The following BLTP3B variants were observed in gnomAD, a reference collection of about 807,000 sequenced individuals.
The protein encoded by BLTP3B is UHRF1 (ICBP90) binding protein 1-like.
At chr12:100,049,135 G>A in the BLTP3B span, among the ~76,000 whole-genome samples, 2 of 152,024 alleles carry the variant, frequency 1.3e-5, no homozygotes, top group Non-Finnish European at 2.9e-5. Context: ...TAGTTGGTAA[G>A]ATTAATAACC....
the BLTP3B span, chr12:100,057,713 C>T: frequency 1.2e-6 from 2 of 1,611,204 alleles, no homozygotes; most frequent in Non-Finnish European, 1.7e-6. Flanking sequence ...AGAGAGGAGC[C>T]AGGTTGGGTG....
chr12:100,102,868 C>T, the BLTP3B span: 15 of 1,502,146 alleles, frequency 1.0e-5, no homozygotes, highest in South Asian at 3.7e-5. Flanking sequence ...CTAATAAAAA[C>T]GTTAAAATAT....
At chr12:100,120,491 AG>A in the BLTP3B span, among the ~76,000 whole-genome samples, 1 of 152,232 alleles carries the variant, frequency 6.6e-6, no homozygotes, top group Non-Finnish European at 1.5e-5. Context: ...ATTAGTCATT[AG>A]AAAACTGCAA....
the BLTP3B span, among the ~76,000 whole-genome samples, chr12:100,130,439 T>C: frequency 1.3e-5 from 2 of 152,226 alleles, no homozygotes; most frequent in East Asian, 3.8e-4. Flanking sequence ...ATCTTAATTT[T>C]ATTTGTATAT....
the BLTP3B span, among the ~76,000 whole-genome samples, chr12:100,134,581 C>T: frequency 5.0e-4 from 76 of 151,622 alleles, no homozygotes; most frequent in African/African-American, 1.8e-3. Context: ...TGTGCCACTG[C>T]ACTCCAGCCT....
At chr12:100,128,395 AAAAG>A in the BLTP3B span, among the ~76,000 whole-genome samples, 6 of 152,168 alleles carry the variant, frequency 3.9e-5, no homozygotes, top group African/African-American at 1.4e-4. Flanking sequence ...AGTCTCAAAA[AAAAG>A]AAAGAGAAGA....
chr12:100,137,740 T>G, the BLTP3B span, among the ~76,000 whole-genome samples: 3 of 152,170 alleles, frequency 2.0e-5, no homozygotes, highest in Non-Finnish European at 4.4e-5. Flanking sequence ...CCTCTTACCT[T>G]TATTAGTAGT....
chr12:100,072,766 G>A, the BLTP3B span: 1 of 1,605,086 alleles, frequency 6.2e-7, no homozygotes, highest in South Asian at 1.1e-5. Flanking sequence ...TTTTATTGCA[G>A]CAAATCATGC....
At chr12:100,118,510 T>G in the BLTP3B span, among the ~76,000 whole-genome samples, 1 of 152,162 alleles carries the variant, frequency 6.6e-6, no homozygotes, top group Admixed American at 6.6e-5. Context: ...TGTAATATAT[T>G]TGGAATGGGA....
At chr12:100,132,240 C>CA in the BLTP3B span, among the ~76,000 whole-genome samples, 2 of 151,924 alleles carry the variant, frequency 1.3e-5, no homozygotes, top group Non-Finnish European at 2.9e-5. Flanking sequence ...GAAAATTATT[C>CA]AAAAAAAGAA....
chr12:100,062,842 T>A, the BLTP3B span, among the ~76,000 whole-genome samples: 354 of 152,034 alleles, frequency 2.3e-3, 1 homozygote, highest in African/African-American at 7.8e-3. Context: ...ATGCCTATAA[T>A]CCTAGCTACT....
chr12:100,136,246 A>G, the BLTP3B span, among the ~76,000 whole-genome samples: 1 of 151,858 alleles, frequency 6.6e-6, no homozygotes, highest in Admixed American at 6.6e-5. Flanking sequence ...CTACTCAAGT[A>G]AATTTATAAT....
chr12:100,047,461 T>G, the BLTP3B span: 6 of 1,167,900 alleles, frequency 5.1e-6, no homozygotes, highest in East Asian at 2.4e-5. Context: ...ATCGTGCCAT[T>G]GCACTCAAGC....
chr12:100,128,742 C>T, the BLTP3B span: 2 of 1,277,164 alleles, frequency 1.6e-6, no homozygotes, highest in Non-Finnish European at 2.0e-6. Flanking sequence ...GGAATGGGTA[C>T]ACAGGGGACA....
chr12:100,089,934 G>A, the BLTP3B span, among the ~76,000 whole-genome samples: 5 of 152,222 alleles, frequency 3.3e-5, no homozygotes, highest in African/African-American at 7.2e-5. Context: ...TAAGTCTCAC[G>A]AGATCTGATG....
the BLTP3B span, among the ~76,000 whole-genome samples, chr12:100,099,765 GATTA>G: frequency 2.0e-5 from 3 of 149,756 alleles, no homozygotes; most frequent in East Asian, 2.0e-4. Context: ...TTAACTAATT[GATTA>G]ATTAATTAAT....
At chr12:100,096,633 A>G in the BLTP3B span, among the ~76,000 whole-genome samples, 1 of 152,008 alleles carries the variant, frequency 6.6e-6, no homozygotes. Context: ...AGCCTGGACA[A>G]CAAAGCGAGA....
chr12:100,071,255 G>A, the BLTP3B span, among the ~76,000 whole-genome samples: 5 of 152,174 alleles, frequency 3.3e-5, no homozygotes, highest in East Asian at 3.9e-4. Flanking sequence ...CCAGCACTTC[G>A]GGAGGCTGAG....
At chr12:100,109,162 CT>C in the BLTP3B span, among the ~76,000 whole-genome samples, 1 of 6,840 alleles carries the variant, frequency 1.5e-4, no homozygotes, top group South Asian at 3.8e-3. Flanking sequence ...CAGTTTTCCT[CT>C]CTCTCTCTCT....
Sources: allele counts gnomAD v4.1 joint callset (sites outside exome capture counted in the v4.1 genomes callset), GRCh38; gene constraint gnomAD v4.1.1; transcripts MANE v1.5; gene names NCBI Gene and HGNC (gene_info 2026-07-23, HGNC 2026-07-21).